Variants in ATF7IP observed in about 807,000 individuals in gnomAD.
ATF7IP encodes activating transcription factor 7 interacting protein, also known as activating transcription factor 7-interacting protein 1.
A neutral mutation model predicts 106.4 loss-of-function variants in ATF7IP; 23 were observed. The ratio of observed to expected loss-of-function variants is 0.22; its 90% CI spans 0.16 to 0.31. The LOEUF (loss-of-function observed/expected upper bound fraction) is 0.31, where lower values mean the gene tolerates loss of function less well. Among genes scored for constraint, ATF7IP ranks in the 10% least tolerant of loss-of-function variants. ATF7IP has a pLI of 1.00. For missense variants in ATF7IP, 1,334 were observed against 1,524.3 expected (o/e 0.88, Z 2.08); for synonymous variants, 542 against 539.0 (o/e 1.01, Z -0.08).
chr12:14,388,309 C>T (rs1939357752), intron 1 of ATF7IP, among the ~76,000 whole-genome samples: 1 of 151,838 alleles, frequency 6.6e-6, no homozygotes. Context: ...CTTGGCCTCC[C>T]AAATTGCTGG....
intron 13 of ATF7IP, among the ~76,000 whole-genome samples, chr12:14,490,026 G>A (rs1186866501): frequency 1.3e-5 from 2 of 152,188 alleles, no homozygotes; most frequent in African/African-American, 2.4e-5. Context: ...TGGCATGCCC[G>A]AGCGAGGGCT....
At position 14,424,445 on chromosome 12, in the gene ATF7IP, GTGA is replaced by G; in HGVS notation, c.533_535del (p.Asp178del). The G allele has an allele frequency of 6.2e-7, 1 of 1,611,558 alleles. No homozygotes were observed. The highest frequency in any genetic ancestry group is 2.2e-5 in the East Asian group (1 of 44,834). ...GCTGCCTCTGGTGATGCAACCTCTGGTGATGCCCCTTCTGGTGATGTGTCCCCT... is the reference window on the plus strand; with the variant it reads ...GCTGCCTCTGGTGATGCAACCTCTGGTGCCCCTTCTGGTGATGTGTCCCCT... On this transcript the variant is annotated inframe_deletion, in exon 2 of 15. Coordinates refer to ENST00000261168, the MANE Select transcript of ATF7IP (RefSeq NM_018179.5).
At chr12:14,449,848 A>C (rs1943127646) in intron 6 of ATF7IP, among the ~76,000 whole-genome samples, 2 of 151,762 alleles carry the variant, frequency 1.3e-5, no homozygotes, top group South Asian at 4.1e-4. Context: ...CTTTTCACTT[A>C]TTTGTGTCTT....
chr12:14,433,682 A>G (rs941353195), intron 2 of ATF7IP, among the ~76,000 whole-genome samples: 1 of 152,016 alleles, frequency 6.6e-6, no homozygotes, highest in African/African-American at 2.4e-5. Flanking sequence ...AAAAAAAAAA[A>G]GAAAAGAAAA....
In ATF7IP at chr12:14,500,860, A is replaced by G. The variant is rs1298992942; in HGVS notation, c.*2787A>G. 1.3e-5 allele frequency: 2 copies of G among 152,222 alleles called. No individual in the cohort carries two copies. Among genetic ancestry groups the G allele is most frequent in the Non-Finnish European group, 2.9e-5 (2 of 68,024 alleles). The allele number at this position is 152,222 out of a possible 1,614,324, so 9.4% of individuals were successfully genotyped here. ...AAACAAATTCTCAAATAGGAATTCT[A>G]AAAATATTTACTAAAGTAAAATAAC... On this transcript the variant is annotated 3_prime_UTR_variant, in exon 15 of 15. Coordinates refer to ENST00000261168, the MANE Select transcript of ATF7IP (RefSeq NM_018179.5).
At chr12:14,410,463 C>G (rs954413061) in intron 1 of ATF7IP, among the ~76,000 whole-genome samples, 2 of 152,084 alleles carry the variant, frequency 1.3e-5, no homozygotes, top group Non-Finnish European at 2.9e-5. Context: ...CAATGTTTGT[C>G]TTAAAGTCAC....
intron 1 of ATF7IP, among the ~76,000 whole-genome samples, chr12:14,377,881 G>C (rs1938820153): frequency 6.6e-6 from 1 of 151,952 alleles, no homozygotes; most frequent in Non-Finnish European, 1.5e-5. Context: ...ACCTGCCTCA[G>C]CCTCCCAAAG....
At chr12:14,494,333 A>ATGTGTGTGTGTGTG (rs1210425478) in intron 13 of ATF7IP, among the ~76,000 whole-genome samples, 7 of 86,014 alleles carry the variant, frequency 8.1e-5, no homozygotes, top group African/African-American at 3.2e-4. Flanking sequence ...ATATATATAT[A>ATGTGTGTGTGTGTG]TGTGTGTGTG....
intron 5 of ATF7IP, among the ~76,000 whole-genome samples, chr12:14,441,499 T>C (rs1942696914): frequency 6.7e-6 from 1 of 148,602 alleles, no homozygotes; most frequent in South Asian, 2.1e-4. Flanking sequence ...TTTTTTTTTT[T>C]TTTTTTTTGA....
intron 6 of ATF7IP, 121 bp downstream of exon 6, chr12:14,447,174 C>G (rs1367752881): frequency 1.1e-5 from 6 of 542,234 alleles, no homozygotes; most frequent in Non-Finnish European, 1.8e-5. Context: ...GTGTACTCCT[C>G]TATGTAATTT....
intron 5 of ATF7IP, among the ~76,000 whole-genome samples, 192 bp from the exon 6 acceptor site, chr12:14,446,796 T>C (rs1942980482): frequency 6.6e-6 from 1 of 152,136 alleles, no homozygotes. Flanking sequence ...AATTTAGGGG[T>C]CACTTAGTTT....
intron 1 of ATF7IP, among the ~76,000 whole-genome samples, chr12:14,370,660 G>A (rs967222648): frequency 2.6e-5 from 4 of 151,972 alleles, no homozygotes; most frequent in Non-Finnish European, 2.9e-5. Context: ...TATTTCCTAG[G>A]AACTCTGGGA....
At position 14,491,059 on chromosome 12, in the gene ATF7IP, G is replaced by T. The variant is rs1356412643; in HGVS notation, c.3281-5172G>T. Among the ~76,000 whole-genome samples the T allele has an allele frequency of 2.6e-5, 4 of 152,108 alleles. No homozygotes were observed. In the East Asian group the frequency reaches 7.7e-4, roughly 29 times the overall value. On this transcript the variant is annotated intron_variant, in intron 13 of 14. Transcript: ENST00000261168. Reference sequence around the variant, plus strand: ...GGCCTCCACCGTGATTCACCTATGGGGTCCTGCCAAAGGCTCTGACAGCAT... The same window carrying T: ...GGCCTCCACCGTGATTCACCTATGGTGTCCTGCCAAAGGCTCTGACAGCAT...
At chr12:14,386,561 AAT>A (rs1428645817) in intron 1 of ATF7IP, among the ~76,000 whole-genome samples, 1 of 152,144 alleles carries the variant, frequency 6.6e-6, no homozygotes, top group Non-Finnish European at 1.5e-5. Flanking sequence ...GGAGGATTCC[AAT>A]ATATAAAAGG....
At chr12:14,464,833 CAAAG>C (rs1290996091) in intron 9 of ATF7IP, among the ~76,000 whole-genome samples, 2 of 152,088 alleles carry the variant, frequency 1.3e-5, no homozygotes, top group Non-Finnish European at 2.9e-5. Flanking sequence ...TGCTGGGTAA[CAAAG>C]AAATGTGTGT....
chr12:14,366,120 G>T (rs990148446), intron 1 of ATF7IP, among the ~76,000 whole-genome samples: 1 of 152,316 alleles, frequency 6.6e-6, no homozygotes, highest in Non-Finnish European at 1.5e-5. Flanking sequence ...TTCTTGAGGG[G>T]TTTCTTTGTG....
chr12:14,456,481 C>T, intron 6 of ATF7IP, 80 bp from the exon 7 acceptor site: 1 of 859,888 alleles, frequency 1.2e-6, no homozygotes, highest in Non-Finnish European at 1.9e-6. Flanking sequence ...TATTGACAGG[C>T]ATCTACAGGT....
At chr12:14,368,735 G>A (rs896324032) in intron 1 of ATF7IP, among the ~76,000 whole-genome samples, 7 of 151,792 alleles carry the variant, frequency 4.6e-5, no homozygotes, top group African/African-American at 1.7e-4. Context: ...TTTTATATAT[G>A]CATTTTTTTC....
intron 2 of ATF7IP, among the ~76,000 whole-genome samples, chr12:14,433,111 G>A (rs887160941): frequency 3.3e-5 from 5 of 152,288 alleles, no homozygotes; most frequent in African/African-American, 1.2e-4. Context: ...GCTCACGCCT[G>A]TAATCCCAGC....
Sources: gnomAD v4.1 joint callset for allele counts (sites outside exome capture counted in the v4.1 genomes callset) on GRCh38, gnomAD v4.1.1 for gene constraint, MANE v1.5 for transcripts, NCBI Gene and HGNC (gene_info 2026-07-23, HGNC 2026-07-21) for gene names.